The following NDUFS1 variants were observed in gnomAD, a reference collection of about 807,000 sequenced individuals.
The protein encoded by NDUFS1 is NADH:ubiquinone oxidoreductase core subunit S1, also known as NADH-ubiquinone oxidoreductase 75 kDa subunit, mitochondrial.
NDUFS1 carries 61 observed loss-of-function variants against 84.4 expected under a neutral mutation model. That is an observed-to-expected ratio of 0.72 (90% CI 0.59 to 0.89). The LOEUF is 0.89. Ranked by LOEUF, NDUFS1 falls within the 40% of genes least tolerant of loss-of-function variation. The pLI, the probability that NDUFS1 is intolerant of heterozygous loss-of-function variation, is 0.00. For synonymous variants in NDUFS1, 275 were observed against 290.0 expected (o/e 0.95, Z 0.53); for missense variants, 891 against 890.0 (o/e 1.00, Z -0.01).
chr2:206,143,273 A>G (rs954344225), intron 10 of NDUFS1, among the ~76,000 whole-genome samples: 1 of 152,222 alleles, frequency 6.6e-6, no homozygotes, highest in African/African-American at 2.4e-5. Flanking sequence ...ACACAAAAAA[A>G]GTTGTACAAC....
rs981700266 is a variant in NDUFS1 at position 206,123,174 on chromosome 2, G to C, written c.*1011C>G. On this transcript the variant is annotated 3_prime_UTR_variant, in exon 19 of 19. Transcript: ENST00000233190. ...TGACAATTAAAAATTATGAAAGCTG[G>C]TTGTTTTGTCTCCTATTGCTGAAAT... The C allele has an allele frequency of 5.9e-5, 9 of 151,550 alleles. No individual in the cohort carries two copies. Among genetic ancestry groups the C allele is most frequent in the African/African-American group, 1.9e-4 (8 of 41,236 alleles). The allele number at this position is 151,550 out of a possible 1,614,324, so 9.4% of individuals were successfully genotyped here.
At position 206,130,078 on chromosome 2, in the gene NDUFS1, T is replaced by C. The variant is rs2105948443; in HGVS notation, c.1708+10A>G. The C allele has an allele frequency of 6.2e-7, 1 of 1,614,044 alleles. No individual in the cohort carries two copies. The highest frequency in any genetic ancestry group is 8.5e-7 in the Non-Finnish European group (1 of 1,179,954). ...TCTCTTTTGTTTCTGGTGTCACAGGTGATACTTACCTTGATAAATAATGAA... is the reference window on the plus strand; with the variant it reads ...TCTCTTTTGTTTCTGGTGTCACAGGCGATACTTACCTTGATAAATAATGAA... On this transcript the variant is annotated intron_variant, in intron 15 of 18. Coordinates refer to ENST00000233190, the MANE Select transcript of NDUFS1 (RefSeq NM_005006.7).
intron 1 of NDUFS1, among the ~76,000 whole-genome samples, chr2:206,157,491 A>C (rs1195283186): frequency 1.3e-5 from 2 of 152,224 alleles, no homozygotes; most frequent in Non-Finnish European, 2.9e-5. Flanking sequence ...GAACTAGAGT[A>C]GCATCTGTCC....
chr2:206,140,356 T>C (rs1575971069), intron 12 of NDUFS1, among the ~76,000 whole-genome samples: 1 of 151,916 alleles, frequency 6.6e-6, no homozygotes, highest in Non-Finnish European at 1.5e-5. Context: ...ACACAAAAAC[T>C]AGCTGGACGT....
chr2:206,147,310 A>G lies in NDUFS1; in HGVS notation c.551+221T>C, dbSNP rs75610165. On this transcript the variant is annotated intron_variant, in intron 7 of 18. Transcript: ENST00000233190. ...CAAATCATATGTGTACAACTCACCAAGTTATGAGTGAAAGCAAATGCTTAT... is the reference window on the plus strand; with the variant it reads ...CAAATCATATGTGTACAACTCACCAGGTTATGAGTGAAAGCAAATGCTTAT... Among the ~76,000 whole-genome samples, 12,317 of 152,274 alleles carry G rather than the reference A, an allele frequency of 0.081. 740 individuals are homozygous for G. The highest frequency in any genetic ancestry group is 0.19 in the Admixed American group (2,932 of 15,282).
intron 3 of NDUFS1, among the ~76,000 whole-genome samples, chr2:206,151,074 G>A (rs547042333): frequency 3.3e-5 from 5 of 152,146 alleles, no homozygotes; most frequent in African/African-American, 1.2e-4. Context: ...GGCTTTTGTA[G>A]TATCCTGTCC....
intron 18 of NDUFS1, among the ~76,000 whole-genome samples, 168 bp from the exon 19 acceptor site, chr2:206,124,444 C>A (rs1362989740): frequency 6.6e-6 from 1 of 152,064 alleles, no homozygotes; most frequent in Non-Finnish European, 1.5e-5. Flanking sequence ...CCTTACTGGC[C>A]ACATGCTTTC....
intron 14 of NDUFS1, among the ~76,000 whole-genome samples, chr2:206,132,637 A>C (rs1193211572): frequency 6.6e-6 from 1 of 152,236 alleles, no homozygotes; most frequent in Non-Finnish European, 1.5e-5. Context: ...GAATTCTCAT[A>C]TTAGCTTACA....
chr2:206,133,205 G>T (rs1037879302), intron 13 of NDUFS1, 100 bp from the exon 14 acceptor site: 2 of 961,218 alleles, frequency 2.1e-6, no homozygotes, highest in African/African-American at 1.7e-5. Flanking sequence ...CAAGTCTTAG[G>T]TGTAACATGA....
chr2:206,130,172 G>A lies in NDUFS1; in HGVS notation c.1624C>T (p.Pro542Ser), dbSNP rs762228459. The A allele has an allele frequency of 3.7e-6, 6 of 1,614,164 alleles. No individual in the cohort carries two copies. The highest frequency in any genetic ancestry group is 5.1e-6 in the Non-Finnish European group (6 of 1,180,032). The change falls in exon 15 of 19, where the codon CCC (proline) becomes TCC (serine). Residue 542 changes from proline to serine, a missense_variant. Transcript: ENST00000233190. ...GCTCCCAGGAGAAACAGCACCTTGG[G>A]AGGGTTCTTCCGAATTGCTTCCACC... is the stretch of plus-strand genomic sequence containing the variant. Reference protein sequence around the residue: ...PGVEAIRKNPPKVLFLLGADG... With the variant: ...PGVEAIRKNPSKVLFLLGADG...
At chr2:206,159,009 C>T (rs979423884) in intron 1 of NDUFS1, 2 of 1,419,822 alleles carry the variant, frequency 1.4e-6, no homozygotes, top group Non-Finnish European at 1.9e-6. Context: ...GACACTGGTC[C>T]TCTCCCGGGG....
At chr2:206,132,622 T>C (rs1254953988) in intron 14 of NDUFS1, among the ~76,000 whole-genome samples, 2 of 152,186 alleles carry the variant, frequency 1.3e-5, no homozygotes, top group Non-Finnish European at 2.9e-5. Context: ...AGAAATCCTT[T>C]AGCTGAATTC....
chr2:206,145,909 G>C (rs1258114713), intron 8 of NDUFS1, among the ~76,000 whole-genome samples: 1 of 152,180 alleles, frequency 6.6e-6, no homozygotes, highest in Non-Finnish European at 1.5e-5. Flanking sequence ...ACCAGCCTAA[G>C]TTTGTAGTGG....
rs1188913009 is a variant in NDUFS1 at position 206,119,412 on chromosome 2, A to G, written c.*4773T>C. The G allele has an allele frequency of 6.6e-6, 1 of 152,086 alleles. No individual in the cohort carries two copies. The highest frequency in any genetic ancestry group is 1.5e-5 in the Non-Finnish European group (1 of 68,006). The allele number at this position is 152,086 out of a possible 1,614,324, so 9.4% of individuals were successfully genotyped here. The stretch of plus-strand genomic sequence containing the variant: ...CTGGGTATTGTCAAATATATTTTTT[A>G]ATTTTTACTTTTTTTCAGACAGAGT... On this transcript the variant is annotated 3_prime_UTR_variant, in exon 19 of 19. Coordinates refer to ENST00000233190, the MANE Select transcript of NDUFS1 (RefSeq NM_005006.7).
chr2:206,156,502 G>C (rs1286684336), intron 1 of NDUFS1, among the ~76,000 whole-genome samples: 1 of 151,628 alleles, frequency 6.6e-6, no homozygotes, highest in East Asian at 1.9e-4. Context: ...TTGAGCCCAG[G>C]TGTTCAAGGT....
At chr2:206,133,179 A>G (rs924414059) in intron 13 of NDUFS1, 74 bp from the exon 14 acceptor site, 24 of 1,271,492 alleles carry the variant, frequency 1.9e-5, no homozygotes, top group Non-Finnish European at 2.5e-5. Flanking sequence ...ATTTGCCTCT[A>G]TAATATAGGT....
intron 5 of NDUFS1, 86 bp from the exon 6 acceptor site, chr2:206,147,920 T>C (rs1692222024): frequency 3.2e-6 from 4 of 1,248,374 alleles, no homozygotes; most frequent in Non-Finnish European, 4.6e-6. Flanking sequence ...ACCTATAGAC[T>C]TTATTTTTTT....
At chr2:206,158,790 G>A (rs917577537) in intron 1 of NDUFS1, among the ~76,000 whole-genome samples, 1 of 152,158 alleles carries the variant, frequency 6.6e-6, no homozygotes, top group African/African-American at 2.4e-5. Context: ...GCAATCCTGG[G>A]CTAACTTTTC....
intron 12 of NDUFS1, among the ~76,000 whole-genome samples, chr2:206,140,276 G>C (rs943734564): frequency 6.6e-6 from 1 of 152,076 alleles, no homozygotes; most frequent in African/African-American, 2.4e-5. Flanking sequence ...TTGAGCCCAG[G>C]AGGTCAAGGC....
Sources: gnomAD v4.1 joint callset for allele counts (sites outside exome capture counted in the v4.1 genomes callset) on GRCh38, gnomAD v4.1.1 for gene constraint, MANE v1.5 for transcripts, NCBI Gene and HGNC (gene_info 2026-07-23, HGNC 2026-07-21) for gene names.